PLOD1: variants seen among roughly 807,000 people sequenced by gnomAD.
PLOD1 encodes the protein procollagen-lysine,2-oxoglutarate 5-dioxygenase 1.
In PLOD1, 70 loss-of-function variants were observed where a neutral mutation model predicts 94.7. That is an observed-to-expected ratio of 0.74 (90% CI 0.61 to 0.90). The LOEUF (loss-of-function observed/expected upper bound fraction) is 0.90, where lower values mean the gene tolerates loss of function less well. PLOD1 is among the 40% of genes least tolerant of loss of function. PLOD1 has a pLI of 0.00. For missense variants in PLOD1, 905 were observed against 972.7 expected, an observed-to-expected ratio of 0.93 and a Z score of 0.93; for synonymous variants, 417 against 400.2, an observed-to-expected ratio of 1.04 and a Z score of -0.50.
chr1:11,967,654 A>T (rs979312675), intron 16 of PLOD1, among the ~76,000 whole-genome samples: 36 of 113,958 alleles, frequency 3.2e-4, no homozygotes, highest in African/African-American at 5.3e-4. Flanking sequence ...ATATATATAT[A>T]TATATTTTTT....
Position 11,972,613 on chromosome 1 carries a change from C to G in PLOD1, c.1903-259C>G, listed in dbSNP as rs548596452. 1.2e-5 allele frequency: 5 copies of G among 416,748 alleles called. No individual in the cohort carries two copies. The highest frequency in any genetic ancestry group is 6.6e-4 in the Middle Eastern group (1 of 1,510). 25.8% of individuals were successfully genotyped at this position (416,748 alleles called of 1,614,324 possible). A position where few individuals can be genotyped will look rare whatever the true frequency, so the allele number is the denominator to read the frequency against. The stretch of plus-strand genomic sequence containing the variant: ...TTCTCTTCCCTTTTCCTCCCTTCCT[C>G]CCTCCCTCCCTTCCTTTCTTCCTTC... On this transcript the variant is annotated intron_variant, in intron 17 of 18. Coordinates refer to ENST00000196061, the MANE Select transcript of PLOD1 (RefSeq NM_000302.4). The surrounding 1 kb of genome is among the most constrained non-coding windows in gnomAD (Gnocchi z 4.6).
rs201888323 is a variant in PLOD1, at chr1:11,952,720, G to C, written c.564G>C (p.Leu188Phe). 609 of 1,612,800 alleles carry C rather than the reference G, an allele frequency of 3.8e-4. 8 individuals are homozygous for C. The Admixed American group carries it at 9.0e-3, about 24-fold the overall frequency. The part of the protein sequence containing the change: ...SDQLFYTKIF[L>F]DPEKREQINI... The stretch of plus-strand genomic sequence containing the variant: ...AGCTGTTTTACACCAAGATCTTCTT[G>C]GACCCGGAGAAGAGGGTAAGAGGCA... Residue 188 changes from leucine to phenylalanine, a missense_variant, in exon 5 of 19, where the codon TTG becomes TTC. By Grantham distance (22) the Leu-to-Phe change is conservative. Coordinates refer to ENST00000196061, the MANE Select transcript of PLOD1 (RefSeq NM_000302.4).
intron 16 of PLOD1, among the ~76,000 whole-genome samples, chr1:11,967,597 G>GTGTGTATATATATATATATATA (rs1391982281): frequency 6.7e-5 from 4 of 59,784 alleles, no homozygotes; most frequent in East Asian, 7.6e-4. Flanking sequence ...GTGTGTGTGT[G>GTGTGTATATATATATATATATA]TATATATATA....
chr1:11,948,458 C>T (rs72640302), intron 2 of PLOD1, among the ~76,000 whole-genome samples: 4 of 151,938 alleles, frequency 2.6e-5, no homozygotes, highest in African/African-American at 7.3e-5. Flanking sequence ...TGAGTGGTCC[C>T]GCACAGGGGC....
rs1185433827 is a variant in PLOD1 at position 11,967,654 on chromosome 1, A to ATG, written c.1755+564_1755+565insGT. ...ATAGATTTTATTTATATATATATAT[A>ATG]TATATTTTTTTTAAATAATAGAGAC... On this transcript the variant is annotated intron_variant, in intron 16 of 18. Transcript: ENST00000196061. Among the ~76,000 whole-genome samples, 21 of 113,956 alleles carry ATG rather than the reference A, an allele frequency of 1.8e-4. No homozygotes were observed. In the South Asian group the frequency reaches 7.5e-3, roughly 40 times the overall value. The allele number at this position is 113,956 out of a possible 152,430, so 74.8% of individuals were successfully genotyped here.
At chr1:11,965,259 G>A (rs978091675) in intron 13 of PLOD1, among the ~76,000 whole-genome samples, 37 of 151,298 alleles carry the variant, frequency 2.4e-4, no homozygotes, top group Non-Finnish European at 5.3e-4. Context: ...TTCATTCTGT[G>A]TTCAGTCCTC....
Position 11,972,988 on chromosome 1 carries a change from G to C in PLOD1, c.2019G>C (p.Val673=), listed in dbSNP as rs769156857. The change falls in exon 18 of 19, where the codon GTG becomes GTC. Residue 673 remains valine (V), a synonymous_variant. Transcript: ENST00000196061. The surrounding 1 kb of genome is among the most constrained non-coding windows in gnomAD (Gnocchi z 4.6). ...TINIALNRVG[V]DYEGGGCRFL... ...ACATCGCCCTGAACCGAGTCGGGGT[G>C]GATTACGAGGTGAGCAGGAGCCAGC... The C allele has an allele frequency of 6.2e-7, 1 of 1,614,046 alleles. No homozygotes were observed. Among genetic ancestry groups the C allele is most frequent in the Non-Finnish European group, 8.5e-7 (1 of 1,179,976 alleles).
At chr1:11,942,088 T>A (rs1457034151) in intron 1 of PLOD1, among the ~76,000 whole-genome samples, 1 of 147,200 alleles carries the variant, frequency 6.8e-6, no homozygotes, top group Non-Finnish European at 1.5e-5. Context: ...GTTCAAGCAA[T>A]TCTCGTGCCT....
Position 11,934,735 on chromosome 1 carries a change from CT to C in PLOD1, c.-44del. The C allele has an allele frequency of 1.3e-6, 2 of 1,517,914 alleles. No individual in the cohort carries two copies. The highest frequency in any genetic ancestry group is 1.2e-5 in the South Asian group (1 of 81,790). 94.0% of individuals were successfully genotyped at this position (1,517,914 alleles called of 1,614,324 possible). On this transcript the variant is annotated 5_prime_UTR_variant, in exon 1 of 19. Coordinates refer to ENST00000196061, the MANE Select transcript of PLOD1 (RefSeq NM_000302.4). ...CGGCCCCGTCGCGAAGTTTCCAGCC[CT>C]GCGAGCGCCGCCGGGTCGGCCGATC...
intron 4 of PLOD1, among the ~76,000 whole-genome samples, 162 bp from the exon 5 acceptor site, chr1:11,952,461 C>G (rs375202005): frequency 7.9e-5 from 12 of 152,308 alleles, no homozygotes; most frequent in South Asian, 6.2e-4. Context: ...CATTTCCAAC[C>G]TGCAGCCCCA....
chr1:11,957,869 A>C lies in PLOD1; in HGVS notation c.769A>C (p.Ile257Leu), dbSNP rs1645749876. The change falls in exon 8 of 19, where the codon ATC becomes CTC. Residue 257 changes from isoleucine (I) to leucine (L), a missense_variant. Physicochemically the swap from Ile to Leu is conservative, Grantham distance 5 (BLOSUM62 2). Transcript: ENST00000196061. The surrounding 1 kb of genome is among the most constrained non-coding windows in gnomAD (Gnocchi z 4.1). ...KLQLNYLGNY[I>L]PRFWTFETGC... ...GCAGTTGAACTACCTGGGCAACTAC[A>C]TCCCGCGCTTCTGGACCTTCGAAAC... is the stretch of plus-strand genomic sequence containing the variant. 6.2e-7 allele frequency: 1 copy of C among 1,614,110 alleles called. No homozygotes were observed. The highest frequency in any genetic ancestry group is 1.3e-5 in the African/African-American group (1 of 75,030).
intron 2 of PLOD1, among the ~76,000 whole-genome samples, chr1:11,949,318 T>C (rs1204980696): frequency 6.6e-6 from 1 of 152,170 alleles, no homozygotes; most frequent in African/African-American, 2.4e-5. Context: ...ACAGGCATGG[T>C]CACATGACCA....
At position 11,960,659 on chromosome 1, in the gene PLOD1, A is replaced by G; in HGVS notation, c.989A>G (p.Lys330Arg). 1 of 1,612,510 alleles carries G rather than the reference A, an allele frequency of 6.2e-7. No homozygotes were observed. The highest frequency in any genetic ancestry group is 8.5e-7 in the Non-Finnish European group (1 of 1,179,698). ...LFIHNHEQHH[K>R]AQVEEFLAQH... ...CCCCAACCCCAGGAGCAGCACCACA[A>G]GGCTCAGGTGGAAGAGTTCCTGGCA... Residue 330 changes from lysine to arginine, a missense_variant, in exon 10 of 19, where the codon AAG becomes AGG. Coordinates refer to ENST00000196061, the MANE Select transcript of PLOD1 (RefSeq NM_000302.4).
At chr1:11,943,584 AC>A (rs1172794526) in intron 1 of PLOD1, among the ~76,000 whole-genome samples, 1 of 152,138 alleles carries the variant, frequency 6.6e-6, no homozygotes, top group African/African-American at 2.4e-5. Flanking sequence ...GGCGTGAGTC[AC>A]CACGCCTGGC....
At chr1:11,939,915 C>G (rs1197202886) in intron 1 of PLOD1, among the ~76,000 whole-genome samples, 6 of 152,270 alleles carry the variant, frequency 3.9e-5, no homozygotes, top group Middle Eastern at 3.4e-3. Context: ...TCATTCTTCT[C>G]TTAAAAGTTT....
chr1:11,947,811 T>C (rs1207795125), intron 1 of PLOD1, among the ~76,000 whole-genome samples, 165 bp from the exon 2 acceptor site: 2 of 152,086 alleles, frequency 1.3e-5, no homozygotes, highest in Non-Finnish European at 2.9e-5. Context: ...GAGACCTGGG[T>C]TATTTCCTGC....
At chr1:11,973,392 C>T (rs1215249185) in intron 18 of PLOD1, among the ~76,000 whole-genome samples, 1 of 151,832 alleles carries the variant, frequency 6.6e-6, no homozygotes, top group Non-Finnish European at 1.5e-5. Flanking sequence ...CTTAGCTACC[C>T]AGAAGGCTGA....
chr1:11,938,176 C>A (rs928592883), intron 1 of PLOD1, among the ~76,000 whole-genome samples: 2 of 152,000 alleles, frequency 1.3e-5, no homozygotes, highest in African/African-American at 4.8e-5. Context: ...TGGTCTCAAT[C>A]CTGACCTCAA....
chr1:11,955,610 C>T (rs1645732646), intron 6 of PLOD1, among the ~76,000 whole-genome samples: 1 of 151,932 alleles, frequency 6.6e-6, no homozygotes, highest in Non-Finnish European at 1.5e-5. Flanking sequence ...AGGTCAGGAG[C>T]TATCTGTTTT....
Sources: allele counts gnomAD v4.1 joint callset (sites outside exome capture counted in the v4.1 genomes callset), GRCh38; gene constraint gnomAD v4.1.1; non-coding constraint Gnocchi (gnomAD v3.1); transcripts MANE v1.5; gene names NCBI Gene and HGNC (gene_info 2026-07-23, HGNC 2026-07-21).